Variants in GALE observed in about 807,000 individuals in gnomAD.
The protein encoded by GALE is UDP-glucose 4-epimerase.
In GALE, 32 loss-of-function variants were observed where a neutral mutation model predicts 44.1. That is an observed-to-expected ratio of 0.73 (90% CI 0.55 to 0.97). The LOEUF (loss-of-function observed/expected upper bound fraction) is 0.97, where lower values mean the gene tolerates loss of function less well. Ranked by LOEUF, GALE falls within the 50% of genes least tolerant of loss-of-function variation. The pLI is 0.00. For missense variants in GALE, 423 were observed against 455.6 expected, an observed-to-expected ratio of 0.93 and a Z score of 0.65; for synonymous variants, 182 against 183.5, an observed-to-expected ratio of 0.99 and a Z score of 0.06.
Position 23,798,300 on chromosome 1 carries a change from C to T in GALE, c.238-70G>A. 2.9e-6 allele frequency: 3 copies of T among 1,039,412 alleles called. No homozygotes were observed. Among genetic ancestry groups the T allele is most frequent in the Non-Finnish European group, 4.4e-6 (3 of 688,164 alleles). 64.4% of individuals were successfully genotyped at this position (1,039,412 alleles called of 1,614,324 possible). A position where few individuals can be genotyped will look rare whatever the true frequency, so the allele number is the denominator to read the frequency against. ...CTTGGCAATGCCCTCAGCCTGCCTG[C>T]CTGCACTCACCTTTTTTTTTTTTTT... On this transcript the variant is annotated intron_variant, in intron 4 of 11. Coordinates refer to ENST00000617979, the MANE Select transcript of GALE (RefSeq NM_001008216.2). This position sits in a 1 kb window ranked among gnomAD's most constrained non-coding sequence, Gnocchi z 4.5.
Position 23,796,183 on chromosome 1 carries a change from C to T in GALE, c.956G>A (p.Gly319Glu), listed in dbSNP as rs28940885. The T allele has an allele frequency of 2.0e-4, 321 of 1,614,134 alleles. 2 individuals carry two copies. In the African/African-American group the frequency reaches 3.7e-3, roughly 19 times the overall value. Residue 319 changes from glycine to glutamate, a missense_variant, in exon 11 of 12, where the codon GGG becomes GAG. Gly to Glu is a moderately conservative substitution (Grantham distance 98, BLOSUM62 -2). Transcript: ENST00000617979. The surrounding 1 kb of genome is among the most constrained non-coding windows in gnomAD (Gnocchi z 5.2). ...ANPSLAQEEL[G>E]WTAALGLDRM... The stretch of plus-strand genomic sequence containing the variant: ...GTCCAGCCCTAAGGCTGCTGTCCAC[C>T]CCAGCTCCTCTTGGGCCAGGCTGGG...
At position 23,797,773 on chromosome 1, in the gene GALE, C is replaced by A. The variant is rs566884215; in HGVS notation, c.450G>T (p.Thr150=). Residue 150 remains threonine (T), a synonymous_variant, in exon 6 of 12, where the codon ACG becomes ACT. Transcript: ENST00000617979. ...TGCCGTAAGGGTTGGTACAACCACC[C>A]GTGGGGTGGGCCTCATCAAGGGGCA... The part of the protein sequence containing the change: ...QYLPLDEAHP[T]GGCTNPYGKS... 1.2e-6 allele frequency: 2 copies of A among 1,613,976 alleles called. No individual in the cohort carries two copies. The highest frequency in any genetic ancestry group is 4.5e-5 in the East Asian group (2 of 44,892).
Position 23,796,772 on chromosome 1 carries a change from A to G in GALE, c.720T>C (p.Asp240=). Residue 240 remains aspartate, a synonymous_variant, in exon 9 of 12, where the codon GAT becomes GAC. Coordinates refer to ENST00000617979, the MANE Select transcript of GALE (RefSeq NM_001008216.2). The surrounding 1 kb of genome is among the most constrained non-coding windows in gnomAD (Gnocchi z 5.2). ...YDTEDGTGVR[D]YIHVVDLAKG... ...TGGCCAGATCCACGACATGGATGTA[A>G]TCCCGGACACCTGCAGAGAAGGGAG... 4 of 1,611,166 alleles carry G rather than the reference A, an allele frequency of 2.5e-6. No individual in the cohort carries two copies. The highest frequency in any genetic ancestry group is 2.5e-6 in the Non-Finnish European group (3 of 1,178,536).
rs1426806550 is a variant in GALE, at chr1:23,798,505, T to C, written c.237+110A>G. ...TTTTTCTGTAGAGATGGGGTTTCAC[T>C]GTGTTGAGCAGGCTGGTCTTGAACA... On this transcript the variant is annotated intron_variant, in intron 4 of 11. Transcript: ENST00000617979. This position sits in a 1 kb window ranked among gnomAD's most constrained non-coding sequence, Gnocchi z 4.5. The C allele has an allele frequency of 6.1e-6, 5 of 815,406 alleles. No homozygotes were observed. Among genetic ancestry groups the C allele is most frequent in the Non-Finnish European group, 1.1e-5 (5 of 475,748 alleles). The allele number at this position is 815,406 out of a possible 1,614,324, so 50.5% of individuals were successfully genotyped here. A position where few individuals can be genotyped will look rare whatever the true frequency, so the allele number is the denominator to read the frequency against.
rs1638939029 is a variant in GALE at position 23,796,091 on chromosome 1, G to A, written c.988+60C>T. 1.9e-6 allele frequency: 3 copies of A among 1,593,238 alleles called. No homozygotes were observed. The highest frequency in any genetic ancestry group is 1.7e-6 in the Non-Finnish European group (2 of 1,161,500). ...CCCACAGCCCGCCCTGGGTGGGCAT[G>A]CCCAGATCTGATTTAGCCCCTCCCT... On this transcript the variant is annotated intron_variant, in intron 11 of 11. Transcript: ENST00000617979. The surrounding 1 kb of genome is among the most constrained non-coding windows in gnomAD (Gnocchi z 5.2).
rs752042267 is a variant in GALE, at chr1:23,798,770, G to C, written c.122-40C>G. On this transcript the variant is annotated intron_variant, in intron 3 of 11. Transcript: ENST00000617979. The surrounding 1 kb of genome is among the most constrained non-coding windows in gnomAD (Gnocchi z 4.5). ...GTAGGCCACATCATCACGACATGGG[G>C]TGCTGTGTTCCCAGGGACTAGCCAG... 1.9e-6 allele frequency: 3 copies of C among 1,604,928 alleles called. No homozygotes were observed. Among genetic ancestry groups the C allele is most frequent in the East Asian group, 2.2e-5 (1 of 44,830 alleles).
At position 23,795,790 on chromosome 1, in the gene GALE, G is replaced by A; in HGVS notation, c.*159C>T. 1 of 702,326 alleles carries A rather than the reference G, an allele frequency of 1.4e-6. No homozygotes were observed. The highest frequency in any genetic ancestry group is 2.6e-6 in the Non-Finnish European group (1 of 389,976). The allele number at this position is 702,326 out of a possible 1,614,324, so 43.5% of individuals were successfully genotyped here. ...AGACCTCGGCCTCCTGGTCAGTGGA[G>A]CCCTTGGCCTCATGCCTGGTGGGCT... On this transcript the variant is annotated 3_prime_UTR_variant, in exon 12 of 12. Transcript: ENST00000617979.
At position 23,796,287 on chromosome 1, in the gene GALE, G is replaced by C. The variant is rs751009742; in HGVS notation, c.874-22C>G. The C allele has an allele frequency of 3.2e-5, 52 of 1,603,294 alleles. No homozygotes were observed. In the Admixed American group the frequency reaches 8.3e-4, roughly 26 times the overall value. ...GGATCTGCAAGACAGGAGGTAGTTGGAGCTTAGCTGAGCCGGCCCTGGCCC... is the reference window on the plus strand; with the variant it reads ...GGATCTGCAAGACAGGAGGTAGTTGCAGCTTAGCTGAGCCGGCCCTGGCCC... On this transcript the variant is annotated intron_variant, in intron 10 of 11. Transcript: ENST00000617979. The surrounding 1 kb of genome is among the most constrained non-coding windows in gnomAD (Gnocchi z 5.2).
Position 23,796,187 on chromosome 1 carries a change from G to C in GALE, c.952C>G (p.Leu318Val). 6.2e-7 allele frequency: 1 copy of C among 1,614,096 alleles called. No individual in the cohort carries two copies. Among genetic ancestry groups the C allele is most frequent in the Non-Finnish European group, 8.5e-7 (1 of 1,179,976 alleles). ...YANPSLAQEE[L>V]GWTAALGLDR... Reference sequence around the variant, plus strand: ...AGCCCTAAGGCTGCTGTCCACCCCAGCTCCTCTTGGGCCAGGCTGGGGTTG... The same window carrying C: ...AGCCCTAAGGCTGCTGTCCACCCCACCTCCTCTTGGGCCAGGCTGGGGTTG... The change falls in exon 11 of 12, where the codon CTG becomes GTG. Residue 318 changes from leucine to valine, a missense_variant. Physicochemically the swap from Leu to Val is conservative, Grantham distance 32. Transcript: ENST00000617979. This position sits in a 1 kb window ranked among gnomAD's most constrained non-coding sequence, Gnocchi z 5.2.
At chr1:23,800,214 C>A in intron 1 of GALE, 1 of 152,676 alleles carries the variant, frequency 6.5e-6, no homozygotes, top group South Asian at 1.9e-4. Flanking sequence ...CCGGCCCTCT[C>A]CCCAGGCGGC....
chr1:23,800,105 TTACAGA>T (rs886785953), intron 1 of GALE: 3 of 152,172 alleles, frequency 2.0e-5, no homozygotes, highest in African/African-American at 7.2e-5. Context: ...CACTGGCACT[TTACAGA>T]TACAGATACT....
chr1:23,795,842 A>AG lies in GALE; in HGVS notation c.*106dup. On this transcript the variant is annotated 3_prime_UTR_variant, in exon 12 of 12. Coordinates refer to ENST00000617979, the MANE Select transcript of GALE (RefSeq NM_001008216.2). ...AGCGGGCCCAGCTGGGGTTTGAGGT[A>AG]GGGGAGGCCTTGGCTTGGCCCCAGC... 9.1e-7 allele frequency: 1 copy of AG among 1,104,928 alleles called. No individual in the cohort carries two copies. Among genetic ancestry groups the AG allele is most frequent in the Non-Finnish European group, 1.4e-6 (1 of 733,062 alleles). The allele number at this position is 1,104,928 out of a possible 1,614,324, so 68.4% of individuals were successfully genotyped here.
chr1:23,797,811 T>C lies in GALE; in HGVS notation c.412A>G (p.Asn138Asp), dbSNP rs1408684801. 6.2e-7 allele frequency: 1 copy of C among 1,614,058 alleles called. No homozygotes were observed. ...TCATCAAGGGGCAGGTACTGGGGGT[T>C]CCCGTACACAGTGGCTGAGCTGCTG... The part of the protein sequence containing the change: ...VFSSSATVYG[N>D]PQYLPLDEAH... Residue 138 changes from asparagine to aspartate, a missense_variant, in exon 6 of 12, where the codon AAC becomes GAC. Transcript: ENST00000617979.
rs372075997 is a variant in GALE at position 23,798,311 on chromosome 1, C to CTT, written c.238-83_238-82dup. ...CCTCAGCCTGCCTGCCTGCACTCAC[C>CTT]TTTTTTTTTTTTTTTGACAGTCTCG... On this transcript the variant is annotated intron_variant, in intron 4 of 11. Transcript: ENST00000617979. This position sits in a 1 kb window ranked among gnomAD's most constrained non-coding sequence, Gnocchi z 4.5. 2,231 of 789,522 alleles carry CTT rather than the reference C, an allele frequency of 2.8e-3. 10 individuals carry two copies. The highest frequency in any genetic ancestry group is 0.021 in the African/African-American group (1,143 of 54,592). 48.9% of individuals were successfully genotyped at this position (789,522 alleles called of 1,614,324 possible). A position where few individuals can be genotyped will look rare whatever the true frequency, so the allele number is the denominator to read the frequency against.
chr1:23,797,071 TG>T lies in GALE; in HGVS notation c.604del (p.Gln202ArgfsTer22). ...HASGCIGEDP[Q>X]GIPNNLMPYV... ...AGGCATGAGGTTGTTGGGTATGCCC[TG>T]GGGATCCTCACCAATGCAGCCAGAG... On this transcript the variant is annotated frameshift_variant, in exon 7 of 12. Transcript: ENST00000617979. LOFTEE classifies it high-confidence loss of function. The T allele has an allele frequency of 1.2e-6, 2 of 1,613,800 alleles. No homozygotes were observed. The highest frequency in any genetic ancestry group is 8.5e-7 in the Non-Finnish European group (1 of 1,179,872).
chr1:23,796,051 C>A lies in GALE; in HGVS notation c.989-44G>T, dbSNP rs1638937537. 1 of 1,609,504 alleles carries A rather than the reference C, an allele frequency of 6.2e-7. No individual in the cohort carries two copies. Among genetic ancestry groups the A allele is most frequent in the Admixed American group, 1.7e-5 (1 of 59,828 alleles). On this transcript the variant is annotated intron_variant, in intron 11 of 11. Coordinates refer to ENST00000617979, the MANE Select transcript of GALE (RefSeq NM_001008216.2). The surrounding 1 kb of genome is among the most constrained non-coding windows in gnomAD (Gnocchi z 5.2). Reference sequence around the variant, plus strand: ...TGTGCTCAGGGCCCACGGTGGAATGCAGAGCCTCCCCCACCCCACAGCCCG... The same window carrying A: ...TGTGCTCAGGGCCCACGGTGGAATGAAGAGCCTCCCCCACCCCACAGCCCG...
chr1:23,798,323 T>G lies in GALE; in HGVS notation c.238-93A>C, dbSNP rs1639027619. On this transcript the variant is annotated intron_variant, in intron 4 of 11. Coordinates refer to ENST00000617979, the MANE Select transcript of GALE (RefSeq NM_001008216.2). The surrounding 1 kb of genome is among the most constrained non-coding windows in gnomAD (Gnocchi z 4.5). ...TGCCTGCACTCACCTTTTTTTTTTT[T>G]TTTGACAGTCTCGCTCTGTTGTCCA... 1.1e-6 allele frequency: 1 copy of G among 927,984 alleles called. No homozygotes were observed. Among genetic ancestry groups the G allele is most frequent in the Non-Finnish European group, 1.7e-6 (1 of 576,450 alleles). The allele number at this position is 927,984 out of a possible 1,614,324, so 57.5% of individuals were successfully genotyped here. A position where few individuals can be genotyped will look rare whatever the true frequency, so the allele number is the denominator to read the frequency against.
Position 23,796,111 on chromosome 1 carries a change from C to T in GALE, c.988+40G>A, listed in dbSNP as rs778673031. ...GGCATGCCCAGATCTGATTTAGCCC[C>T]TCCCTGGCCCCTAACTGCAGGGGTC... On this transcript the variant is annotated intron_variant, in intron 11 of 11. Coordinates refer to ENST00000617979, the MANE Select transcript of GALE (RefSeq NM_001008216.2). This position sits in a 1 kb window ranked among gnomAD's most constrained non-coding sequence, Gnocchi z 5.2. 1 of 1,605,230 alleles carries T rather than the reference C, an allele frequency of 6.2e-7. No homozygotes were observed. The highest frequency in any genetic ancestry group is 8.5e-7 in the Non-Finnish European group (1 of 1,172,082).
chr1:23,795,977 T>G lies in GALE; in HGVS notation c.1019A>C (p.Asn340Thr), dbSNP rs748614184. 1 of 1,614,050 alleles carries G rather than the reference T, an allele frequency of 6.2e-7. No homozygotes were observed. The highest frequency in any genetic ancestry group is 8.5e-7 in the Non-Finnish European group (1 of 1,179,990). Residue 340 changes from asparagine to threonine, a missense_variant, in exon 12 of 12, where the codon AAT (asparagine) becomes ACT (threonine). Physicochemically the swap from Asn to Thr is moderately conservative, Grantham distance 65. Coordinates refer to ENST00000617979, the MANE Select transcript of GALE (RefSeq NM_001008216.2). ...GGCTTGCGTGCCAAAGCCTGAAGGA[T>G]TCTGCTTCTGCCAGCGCCAGAGATC... ...CEDLWRWQKQ[N>T]PSGFGTQA
Sources: allele counts gnomAD v4.1 joint callset, GRCh38; gene constraint gnomAD v4.1.1; non-coding constraint Gnocchi (gnomAD v3.1); transcripts MANE v1.5; gene names NCBI Gene and HGNC (gene_info 2026-07-23, HGNC 2026-07-21).